MGAM2: variants seen among roughly 807,000 people sequenced by gnomAD.
MGAM2 encodes maltase-glucoamylase 2 (putative).
A neutral mutation model predicts 96.1 loss-of-function variants in MGAM2; 98 were observed. The ratio of observed to expected loss-of-function variants is 1.02; its 90% CI spans 0.87 to 1.21. The LOEUF is 1.21. MGAM2 is among the 50% of genes most tolerant of loss of function. MGAM2 has a pLI of 0.00. For missense variants in MGAM2, 2,055 were observed against 1,182.4 expected, an observed-to-expected ratio of 1.74 and a Z score of -10.82; for synonymous variants, 749 against 414.8, an observed-to-expected ratio of 1.81 and a Z score of -9.79.
chr7:142,220,335 A>G lies in MGAM2; in HGVS notation c.5824A>G (p.Thr1942Ala), dbSNP rs1450280254. The change falls in exon 48 of 48, where the codon ACA (threonine) becomes GCA (alanine). Residue 1942 changes from threonine (T) to alanine (A), a missense_variant. Transcript: ENST00000477922. ...TAATGCTACTGTTCCTATCACAACC[A>G]CATGTTTTGCAACAAGTACTATTGG... ...STNATVPITTTCFATSTIGVT... is the reference protein window; with the variant it reads ...STNATVPITTACFATSTIGVT... The G allele has an allele frequency of 1.4e-6, 1 of 702,638 alleles. No homozygotes were observed. The highest frequency in any genetic ancestry group is 2.6e-6 in the Non-Finnish European group (1 of 384,890). 43.5% of individuals were successfully genotyped at this position (702,638 alleles called of 1,614,324 possible). A position where few individuals can be genotyped will look rare whatever the true frequency, so the allele number is the denominator to read the frequency against.
intron 27 of MGAM2, among the ~76,000 whole-genome samples, chr7:142,170,630 G>T (rs998846557): frequency 6.6e-6 from 1 of 152,102 alleles, no homozygotes; most frequent in Admixed American, 6.5e-5. Context: ...TTCTTGTAAC[G>T]TTTGCTTCTG....
At chr7:142,191,287 A>G (rs1050123572) in intron 37 of MGAM2, among the ~76,000 whole-genome samples, 2 of 152,176 alleles carry the variant, frequency 1.3e-5, no homozygotes, top group African/African-American at 4.8e-5. Flanking sequence ...AAGTTTTTAT[A>G]AAGTCCTATT....
chr7:142,135,673 G>A (rs932649317), intron 7 of MGAM2, among the ~76,000 whole-genome samples: 20 of 149,704 alleles, frequency 1.3e-4, no homozygotes, highest in Non-Finnish European at 2.2e-4. Flanking sequence ...CTTGTAAAAC[G>A]TTCTCCGTAT....
rs1335597628 is a variant in MGAM2 at position 142,198,210 on chromosome 7, A to G, written c.4923+15A>G. 8.6e-6 allele frequency: 6 copies of G among 701,602 alleles called. No homozygotes were observed. Among genetic ancestry groups the G allele is most frequent in the Non-Finnish European group, 1.6e-5 (6 of 384,282 alleles). 43.5% of individuals were successfully genotyped at this position (701,602 alleles called of 1,614,324 possible). A position where few individuals can be genotyped will look rare whatever the true frequency, so the allele number is the denominator to read the frequency against. ...ACTATAGCACGGTAAGAACTAATATATTTGTGAAGAACCAGTTTGGTCTAT... is the reference window on the plus strand; with the variant it reads ...ACTATAGCACGGTAAGAACTAATATGTTTGTGAAGAACCAGTTTGGTCTAT... On this transcript the variant is annotated intron_variant, in intron 43 of 47. Transcript: ENST00000477922.
intron 46 of MGAM2, among the ~76,000 whole-genome samples, chr7:142,210,868 C>T (rs1338797588): frequency 6.6e-6 from 1 of 152,222 alleles, no homozygotes. Context: ...TCAAGTGGGT[C>T]CCTGACCCCC....
At chr7:142,128,673 C>A (rs1200862649) in intron 3 of MGAM2, among the ~76,000 whole-genome samples, 2 of 152,196 alleles carry the variant, frequency 1.3e-5, no homozygotes, top group Non-Finnish European at 2.9e-5. Context: ...CAAGTCTTGG[C>A]TGCTTCTACA....
rs1795467363 is a variant in MGAM2 at position 142,148,830 on chromosome 7, T to A, written c.1634+1257T>A. Among the ~76,000 whole-genome samples the A allele has an allele frequency of 6.6e-6, 1 of 152,088 alleles. No homozygotes were observed. Among genetic ancestry groups the A allele is most frequent in the African/African-American group, 2.4e-5 (1 of 41,388 alleles). On this transcript the variant is annotated intron_variant, in intron 15 of 47. Transcript: ENST00000477922. This position sits in a 1 kb window ranked among gnomAD's most constrained non-coding sequence, Gnocchi z 4.2. ...TACAAGACAGGGAGACTTTGATGGG[T>A]TTATGGGGCCTGTCTCAGTCCTTTT...
At chr7:142,210,060 C>T (rs1192646648) in intron 46 of MGAM2, among the ~76,000 whole-genome samples, 8 of 152,126 alleles carry the variant, frequency 5.3e-5, no homozygotes, top group East Asian at 3.9e-4. Context: ...CCACAGAGGG[C>T]GAGGAGAAGC....
At chr7:142,204,632 A>G (rs184199450) in intron 45 of MGAM2, among the ~76,000 whole-genome samples, 10 of 152,242 alleles carry the variant, frequency 6.6e-5, no homozygotes, top group Non-Finnish European at 8.8e-5. Context: ...TGAGGATAAA[A>G]TGATTTAACA....
chr7:142,114,146 GAA>G (rs1817275213), intron 1 of MGAM2, among the ~76,000 whole-genome samples: 1 of 110,944 alleles, frequency 9.0e-6, no homozygotes. Flanking sequence ...AAGAAAGAAA[GAA>G]AGAAGGAAAG....
intron 26 of MGAM2, 88 bp downstream of exon 26, chr7:142,167,574 A>G: frequency 1.5e-6 from 1 of 670,644 alleles, no homozygotes; most frequent in South Asian, 1.6e-5. Context: ...AACAATTAAA[A>G]CATTTTTTTT....
At chr7:142,206,068 G>A (rs1390563258) in intron 45 of MGAM2, among the ~76,000 whole-genome samples, 2 of 151,840 alleles carry the variant, frequency 1.3e-5, no homozygotes, top group Non-Finnish European at 2.9e-5. Flanking sequence ...GAATTATTTT[G>A]GAATTTTTGT....
At chr7:142,190,864 G>GT (rs1197558659) in intron 37 of MGAM2, among the ~76,000 whole-genome samples, 1 of 151,886 alleles carries the variant, frequency 6.6e-6, no homozygotes, top group Non-Finnish European at 1.5e-5. Flanking sequence ...GCCAGGCGTG[G>GT]TGGCTCACAC....
chr7:142,185,831 C>T lies in MGAM2; in HGVS notation c.3988-158C>T, dbSNP rs118141414. On this transcript the variant is annotated intron_variant, in intron 34 of 47. Transcript: ENST00000477922. The stretch of plus-strand genomic sequence containing the variant: ...GAAAATAAAGAATGAAGTCAGCCTT[C>T]CCCAATCTCTGCTTCTGTTGTAAAC... Among the ~76,000 whole-genome samples, 1,189 of 152,294 alleles carry T rather than the reference C, an allele frequency of 7.8e-3. 6 individuals are homozygous for T. The highest frequency in any genetic ancestry group is 0.013 in the Admixed American group (199 of 15,296).
intron 3 of MGAM2, among the ~76,000 whole-genome samples, chr7:142,128,247 C>CG (rs745548608): frequency 1.3e-5 from 2 of 152,078 alleles, no homozygotes; most frequent in Non-Finnish European, 2.9e-5. Context: ...CTGTTAAAGG[C>CG]GTTCAGCTTA....
chr7:142,132,354 TTATATAA>T (rs1400151369), intron 6 of MGAM2, among the ~76,000 whole-genome samples: 1 of 144,380 alleles, frequency 6.9e-6, no homozygotes, highest in Non-Finnish European at 1.5e-5. Context: ...TTAATATAAT[TTATATAA>T]TATATAATTA....
At chr7:142,140,494 G>A (rs989901230) in intron 10 of MGAM2, among the ~76,000 whole-genome samples, 41 of 152,088 alleles carry the variant, frequency 2.7e-4, no homozygotes, top group Middle Eastern at 3.2e-3. Flanking sequence ...TTTAAAGAGC[G>A]TCTGTTTTAT....
Position 142,220,681 on chromosome 7 carries a change from CT to C in MGAM2, c.6171del (p.Val2058PhefsTer35). On this transcript the variant is annotated frameshift_variant, in exon 48 of 48. Coordinates refer to ENST00000477922, the MANE Select transcript of MGAM2 (RefSeq NM_001293626.2). LOFTEE classifies it low-confidence loss of function (END_TRUNC). ...TSTTSTSTSA[T>X]VPITTTPSPT... The stretch of plus-strand genomic sequence containing the variant: ...ACTACTAGTACTAGCACTAGTGCTA[CT>C]GTTCCTATTACAACCACACCTTCCC... 1 of 702,296 alleles carries C rather than the reference CT, an allele frequency of 1.4e-6. No homozygotes were observed. Among genetic ancestry groups the C allele is most frequent in the East Asian group, 2.7e-5 (1 of 37,250 alleles). The allele number at this position is 702,296 out of a possible 1,614,324, so 43.5% of individuals were successfully genotyped here.
Position 142,172,729 on chromosome 7 carries a change from C to T in MGAM2, c.3526C>T (p.Pro1176Ser). 1.4e-6 allele frequency: 1 copy of T among 703,784 alleles called. No homozygotes were observed. The highest frequency in any genetic ancestry group is 1.5e-5 in the South Asian group (1 of 67,576). The allele number at this position is 703,784 out of a possible 1,614,324, so 43.6% of individuals were successfully genotyped here. Residue 1176 changes from proline (P) to serine (S), a missense_variant, in exon 30 of 48, where the codon CCA becomes TCA. By Grantham distance (74) the Pro-to-Ser change is moderately conservative. Coordinates refer to ENST00000477922, the MANE Select transcript of MGAM2 (RefSeq NM_001293626.2). ...GILDFYIVLGPTPELVTQQYT... is the reference protein window; with the variant it reads ...GILDFYIVLGSTPELVTQQYT... Reference sequence around the variant, plus strand: ...TTTGGACTTCTACATTGTTTTGGGGCCAACCCCTGAACTTGTAACTCAGCA... The same window carrying T: ...TTTGGACTTCTACATTGTTTTGGGGTCAACCCCTGAACTTGTAACTCAGCA...
Sources: allele counts gnomAD v4.1 joint callset (sites outside exome capture counted in the v4.1 genomes callset), GRCh38; gene constraint gnomAD v4.1.1; non-coding constraint Gnocchi (gnomAD v3.1); transcripts MANE v1.5; gene names NCBI Gene and HGNC (gene_info 2026-07-23, HGNC 2026-07-21).